Variants in SPAG16 observed in about 807,000 individuals in gnomAD.
SPAG16 encodes the protein sperm-associated antigen 16 protein.
Under a neutral mutation model 80.4 loss-of-function variants are expected in SPAG16, and 86 were observed. The ratio of observed to expected loss-of-function variants is 1.07; its 90% confidence interval spans 0.90 to 1.28. The LOEUF is 1.28. Ranked by LOEUF, SPAG16 falls within the 50% of genes most tolerant of loss-of-function variation. SPAG16 has a pLI of 0.00. For synonymous variants in SPAG16, 294 were observed against 265.9 expected, an observed-to-expected ratio of 1.11 and a Z score of -1.03; for missense variants, 870 against 765.3, an observed-to-expected ratio of 1.14 and a Z score of -1.61.
intron 12 of SPAG16, among the ~76,000 whole-genome samples, chr2:213,970,165 A>T (rs1178200787): frequency 6.6e-6 from 1 of 152,100 alleles, no homozygotes; most frequent in Non-Finnish European, 1.5e-5. Context: ...TCTCCTAAAG[A>T]TGCCATATCT....
rs748686035 is a variant in SPAG16 at position 213,976,133 on chromosome 2, T to TACAC, written c.1401-37817_1401-37816insCACA. ...AGATATATATATATATATATATATA[T>TACAC]ATACACACACACACACACACACGTA... On this transcript the variant is annotated intron_variant, in intron 12 of 15. Coordinates refer to ENST00000331683, the MANE Select transcript of SPAG16 (RefSeq NM_024532.5). Among the ~76,000 whole-genome samples, 471 of 120,696 alleles carry TACAC rather than the reference T, an allele frequency of 3.9e-3. 4 individuals carry two copies. Among genetic ancestry groups the TACAC allele is most frequent in the African/African-American group, 0.015 (421 of 28,140 alleles). The allele number at this position is 120,696 out of a possible 152,430, so 79.2% of individuals were successfully genotyped here.
intron 10 of SPAG16, among the ~76,000 whole-genome samples, chr2:213,574,551 A>G (rs2060047535): frequency 6.6e-6 from 1 of 151,838 alleles, no homozygotes; most frequent in Admixed American, 6.6e-5. Flanking sequence ...ACATGTTCTC[A>G]TGCTGCTAGA....
At chr2:214,226,823 G>C (rs2125789565) in intron 15 of SPAG16, among the ~76,000 whole-genome samples, 1 of 152,074 alleles carries the variant, frequency 6.6e-6, no homozygotes, top group African/African-American at 2.4e-5. Flanking sequence ...TGATCCCCTG[G>C]CTCTTAAATT....
At chr2:213,863,405 T>G (rs892007240) in intron 11 of SPAG16, among the ~76,000 whole-genome samples, 6 of 152,264 alleles carry the variant, frequency 3.9e-5, no homozygotes, top group Admixed American at 3.3e-4. Flanking sequence ...AAACTCCTTT[T>G]TTAAATCAGT....
intron 15 of SPAG16, among the ~76,000 whole-genome samples, chr2:214,362,923 C>T (rs1452769188): frequency 6.6e-6 from 1 of 151,842 alleles, no homozygotes; most frequent in Non-Finnish European, 1.5e-5. Context: ...TTAACTGCCC[C>T]AATTTTTGTC....
intron 15 of SPAG16, among the ~76,000 whole-genome samples, chr2:214,178,718 T>C (rs917320405): frequency 2.0e-5 from 3 of 151,224 alleles, no homozygotes; most frequent in African/African-American, 7.3e-5. Context: ...TTTTGAAAAA[T>C]ATTAAAGTAA....
At chr2:213,597,656 C>T (rs376077771) in intron 10 of SPAG16, among the ~76,000 whole-genome samples, 14 of 152,142 alleles carry the variant, frequency 9.2e-5, no homozygotes, top group East Asian at 5.8e-4. Context: ...AAAGTCTATG[C>T]GCCTTGTTTC....
At chr2:213,634,498 A>G (rs1279227986) in intron 10 of SPAG16, among the ~76,000 whole-genome samples, 1 of 152,178 alleles carries the variant, frequency 6.6e-6, no homozygotes, top group African/African-American at 2.4e-5. Flanking sequence ...TTTCCTGTGT[A>G]CTTACTATTA....
At chr2:213,457,042 T>C (rs988490248) in intron 9 of SPAG16, among the ~76,000 whole-genome samples, 1 of 152,162 alleles carries the variant, frequency 6.6e-6, no homozygotes, top group Admixed American at 6.5e-5. Context: ...ATTTTTTCCC[T>C]TTCATTATTC....
At chr2:213,721,710 T>G (rs1195826805) in intron 10 of SPAG16, among the ~76,000 whole-genome samples, 1 of 152,026 alleles carries the variant, frequency 6.6e-6, no homozygotes, top group African/African-American at 2.4e-5. Flanking sequence ...ACATGTCAAA[T>G]AGTAAACCCT....
intron 10 of SPAG16, among the ~76,000 whole-genome samples, chr2:213,573,801 C>G (rs953508413): frequency 6.6e-6 from 1 of 151,996 alleles, no homozygotes; most frequent in Non-Finnish European, 1.5e-5. Context: ...CTAAGCACTC[C>G]CAGAAGCTTT....
intron 10 of SPAG16, among the ~76,000 whole-genome samples, chr2:213,711,259 A>C (rs946351520): frequency 5.3e-5 from 8 of 152,024 alleles, no homozygotes; most frequent in Non-Finnish European, 1.0e-4. Context: ...TTATGGCAAA[A>C]ATTTTTTTTA....
intron 10 of SPAG16, among the ~76,000 whole-genome samples, chr2:213,844,035 T>C (rs2125763544): frequency 6.6e-6 from 1 of 152,134 alleles, no homozygotes; most frequent in East Asian, 1.9e-4. Flanking sequence ...GGCAGTAATG[T>C]TAGAAATAAG....
At chr2:213,435,505 A>G (rs548543777) in intron 9 of SPAG16, among the ~76,000 whole-genome samples, 1 of 152,230 alleles carries the variant, frequency 6.6e-6, no homozygotes, top group Non-Finnish European at 1.5e-5. Context: ...TCCATGTAAC[A>G]AAACTGCACG....
intron 12 of SPAG16, among the ~76,000 whole-genome samples, chr2:213,976,135 T>TATATATACACAC (rs749957411): frequency 2.7e-4 from 22 of 81,404 alleles, no homozygotes; most frequent in African/African-American, 7.6e-4. Flanking sequence ...TATATATATA[T>TATATATACACAC]ACACACACAC....
chr2:213,948,467 C>T (rs1249660657), intron 12 of SPAG16, among the ~76,000 whole-genome samples: 1 of 152,178 alleles, frequency 6.6e-6, no homozygotes, highest in Non-Finnish European at 1.5e-5. Flanking sequence ...CTCTCTCACT[C>T]TCTAATTTTT....
intron 15 of SPAG16, among the ~76,000 whole-genome samples, chr2:214,318,102 G>T (rs1013626814): frequency 6.6e-6 from 1 of 152,130 alleles, no homozygotes; most frequent in Middle Eastern, 3.2e-3. Flanking sequence ...CAGGATCCTG[G>T]ATTCATCAGC....
chr2:214,299,243 C>CTTTTTTTTT (rs33961996), intron 15 of SPAG16, among the ~76,000 whole-genome samples: 1 of 57,686 alleles, frequency 1.7e-5, no homozygotes, highest in African/African-American at 7.4e-5. Flanking sequence ...GTGTAGTATA[C>CTTTTTTTTT]TTTTTTTTTT....
At chr2:213,682,250 G>T (rs1239738849) in intron 10 of SPAG16, among the ~76,000 whole-genome samples, 2 of 152,168 alleles carry the variant, frequency 1.3e-5, no homozygotes, top group Non-Finnish European at 2.9e-5. Flanking sequence ...GTTAGGATGA[G>T]ATTAAGATCA....
Sources: allele counts gnomAD v4.1 joint callset (sites outside exome capture counted in the v4.1 genomes callset), GRCh38; gene constraint gnomAD v4.1.1; transcripts MANE v1.5; gene names NCBI Gene and HGNC (gene_info 2026-07-23, HGNC 2026-07-21).